The following C8orf89 variants were observed in gnomAD, a reference collection of about 807,000 sequenced individuals.
C8orf89 encodes putative uncharacterized protein C8orf89.
A neutral mutation model predicts 15.8 loss-of-function variants in C8orf89; 14 were observed. That is an observed-to-expected ratio of 0.89 (90% CI 0.59 to 1.39). C8orf89 has a LOEUF of 1.39. C8orf89 is among the 40% of genes most tolerant of loss of function. C8orf89 has a pLI of 0.00. For synonymous variants in C8orf89, 55 were observed against 62.2 expected, an observed-to-expected ratio of 0.88 and a Z score of 0.54; for missense variants, 181 against 184.5, an observed-to-expected ratio of 0.98 and a Z score of 0.11.
At chr8:73,272,788 C>T in the C8orf89 span, among the ~76,000 whole-genome samples, 1 of 152,150 alleles carries the variant, frequency 6.6e-6, no homozygotes, top group East Asian at 1.9e-4. Flanking sequence ...ATGAACTCAT[C>T]ATTTTTTTAT....
the C8orf89 span, among the ~76,000 whole-genome samples, chr8:73,285,912 G>A: frequency 2.0e-5 from 3 of 152,186 alleles, no homozygotes; most frequent in East Asian, 1.9e-4. Context: ...CCCGGCCGGC[G>A]TCTCCCGAGG....
chr8:73,248,016 T>C (rs2130254567), intron 3 of C8orf89, among the ~76,000 whole-genome samples: 1 of 152,344 alleles, frequency 6.6e-6, no homozygotes, highest in African/African-American at 2.4e-5. Context: ...TCTTTGCCTG[T>C]TCCTATGTCT....
the C8orf89 span, chr8:73,277,482 T>C: frequency 1.1e-6 from 1 of 904,828 alleles, no homozygotes; most frequent in Middle Eastern, 2.3e-4. Flanking sequence ...TCCCCTGGTT[T>C]CCTGATGCCA....
intron 2 of C8orf89, among the ~76,000 whole-genome samples, chr8:73,255,081 C>G (rs1429645190): frequency 3.3e-5 from 5 of 151,898 alleles, no homozygotes; most frequent in Non-Finnish European, 7.4e-5. Context: ...GACTAAAACA[C>G]CAAAAGCAAT....
At chr8:73,278,017 G>A in the C8orf89 span, 4 of 558,174 alleles carry the variant, frequency 7.2e-6, no homozygotes, top group African/African-American at 1.9e-5. Context: ...TGCCCATGGT[G>A]AGGAAACTTG....
the C8orf89 span, among the ~76,000 whole-genome samples, chr8:73,265,656 C>T: frequency 1.6e-4 from 25 of 152,260 alleles, no homozygotes; most frequent in African/African-American, 6.0e-4. Flanking sequence ...TCTCCCATGC[C>T]ATTCTTCAAA....
intron 1 of C8orf89, among the ~76,000 whole-genome samples, chr8:73,257,407 A>C (rs1813419557): frequency 6.6e-6 from 1 of 152,216 alleles, no homozygotes; most frequent in Non-Finnish European, 1.5e-5. Context: ...TCATTATTTT[A>C]TACAGTTAGA....
the C8orf89 span, among the ~76,000 whole-genome samples, chr8:73,273,577 C>T: frequency 6.6e-6 from 1 of 152,138 alleles, no homozygotes; most frequent in Non-Finnish European, 1.5e-5. Flanking sequence ...CATGAATAGC[C>T]TGGGCGCCAT....
chr8:73,256,355 AT>A (rs1554577171), intron 2 of C8orf89, among the ~76,000 whole-genome samples: 10 of 151,254 alleles, frequency 6.6e-5, no homozygotes, highest in African/African-American at 2.2e-4. Context: ...CAGAGAGTTA[AT>A]TTTTTTTTCT....
At chr8:73,284,465 G>A in the C8orf89 span, among the ~76,000 whole-genome samples, 4 of 151,796 alleles carry the variant, frequency 2.6e-5, no homozygotes, top group African/African-American at 4.8e-5. Flanking sequence ...TGCCCGCCTC[G>A]GCCTCTCAAA....
the C8orf89 span, chr8:73,277,524 T>C: frequency 2.6e-6 from 2 of 770,782 alleles, no homozygotes; most frequent in African/African-American, 3.5e-5. Flanking sequence ...TGAAGCCTTC[T>C]CCTTCCAGGT....
At chr8:73,276,282 T>G in the C8orf89 span, among the ~76,000 whole-genome samples, 2 of 151,208 alleles carry the variant, frequency 1.3e-5, no homozygotes, top group Non-Finnish European at 2.9e-5. Context: ...GTTCAAGCGA[T>G]TCTTCTGCCT....
chr8:73,280,427 G>A, the C8orf89 span, among the ~76,000 whole-genome samples: 1 of 152,138 alleles, frequency 6.6e-6, no homozygotes, highest in African/African-American at 2.4e-5. Context: ...CTGGAGTGCA[G>A]TGGCACGATC....
chr8:73,268,458 GAC>G, the C8orf89 span, among the ~76,000 whole-genome samples: 2 of 151,740 alleles, frequency 1.3e-5, no homozygotes, highest in East Asian at 3.9e-4. Flanking sequence ...CAGCCTGGGC[GAC>G]AGGGTGAGAC....
chr8:73,247,886 A>G (rs1813161413), intron 3 of C8orf89, among the ~76,000 whole-genome samples: 1 of 152,078 alleles, frequency 6.6e-6, no homozygotes, highest in South Asian at 2.1e-4. Context: ...TCCATTCTGT[A>G]GGTTGTCTGT....
At chr8:73,271,877 G>C in the C8orf89 span, among the ~76,000 whole-genome samples, 1 of 152,150 alleles carries the variant, frequency 6.6e-6, no homozygotes, top group African/African-American at 2.4e-5. Context: ...GGAATTATAG[G>C]AGAACAATTC....
chr8:73,260,524 TTAAAG>T (rs1464168747), upstream of C8orf89, among the ~76,000 whole-genome samples: 1 of 152,088 alleles, frequency 6.6e-6, no homozygotes, highest in Non-Finnish European at 1.5e-5. Context: ...ACCCTAGAAC[TTAAAG>T]TATAATAAAA....
chr8:73,256,726 C>CAAA lies in C8orf89; in HGVS notation c.281+244_281+246dup, dbSNP rs11288188. ...CTGGCAAAACAGCGAGACTCTGTCT[C>CAAA]AAAAAAAAAAAAAAAAAAAAAAAGC... On this transcript the variant is annotated intron_variant, in intron 2 of 3. Transcript: ENST00000624510. Among the ~76,000 whole-genome samples, 82 of 43,618 alleles carry CAAA rather than the reference C, an allele frequency of 1.9e-3. 3 individuals carry two copies. The highest frequency in any genetic ancestry group is 3.3e-3 in the African/African-American group (42 of 12,702). The allele number at this position is 43,618 out of a possible 152,430, so 28.6% of individuals were successfully genotyped here.
the C8orf89 span, among the ~76,000 whole-genome samples, chr8:73,272,442 C>CT: frequency 7.3e-5 from 11 of 151,614 alleles, no homozygotes; most frequent in African/African-American, 9.7e-5. Flanking sequence ...CCACTTAATT[C>CT]TTTTTTTTAA....
Sources: allele counts gnomAD v4.1 joint callset (sites outside exome capture counted in the v4.1 genomes callset), GRCh38; gene constraint gnomAD v4.1.1; transcripts MANE v1.5; gene names NCBI Gene and HGNC (gene_info 2026-07-23, HGNC 2026-07-21).